Variants in MAP3K5 observed in about 807,000 individuals in gnomAD.
MAP3K5 encodes mitogen-activated protein kinase kinase kinase 5.
In MAP3K5, 56 loss-of-function variants were observed where a neutral mutation model predicts 158.7. The observed-to-expected ratio is 0.35, with a 90% CI of 0.28 to 0.44. The LOEUF is 0.44. MAP3K5 is among the 20% of genes least tolerant of loss of function. The pLI is 1.00. For missense variants in MAP3K5, 1,294 were observed against 1,674.8 expected, an observed-to-expected ratio of 0.77 and a Z score of 3.97; for synonymous variants, 579 against 601.7, an observed-to-expected ratio of 0.96 and a Z score of 0.55.
Position 136,611,135 on chromosome 6 carries a change from G to GAAAGA in MAP3K5, c.2521+142_2521+146dup, listed in dbSNP as rs1280383797. 2.1e-3 allele frequency: 307 copies of GAAAGA among 148,652 alleles called. 1 individual carries two copies. The highest frequency in any genetic ancestry group is 0.01 in the African/African-American group (291 of 28,398). 9.2% of individuals were successfully genotyped at this position (148,652 alleles called of 1,614,324 possible). On this transcript the variant is annotated intron_variant, in intron 18 of 29. Transcript: ENST00000359015. ...AAAAAAAAAAAAAAAAAAAAAAAAA[G>GAAAGA]AAAGAAAAGAAAAGAAAAGAAAGAA...
At chr6:136,737,879 G>C (rs1168319777) in intron 1 of MAP3K5, among the ~76,000 whole-genome samples, 5 of 152,208 alleles carry the variant, frequency 3.3e-5, no homozygotes, top group Non-Finnish European at 5.9e-5. Context: ...CAGGAGTAAT[G>C]GAGAAGGCCA....
chr6:136,734,050 A>G (rs1006391313), intron 1 of MAP3K5, among the ~76,000 whole-genome samples: 1 of 152,126 alleles, frequency 6.6e-6, no homozygotes, highest in Non-Finnish European at 1.5e-5. Context: ...ACCTATAAAG[A>G]GTATATAAGA....
chr6:136,570,124 C>T (rs921630110), intron 25 of MAP3K5, among the ~76,000 whole-genome samples: 1 of 152,142 alleles, frequency 6.6e-6, no homozygotes, highest in Non-Finnish European at 1.5e-5. Context: ...GGTTAAGAGC[C>T]CGTGTGTACA....
intron 1 of MAP3K5, among the ~76,000 whole-genome samples, chr6:136,767,847 C>G (rs1042582284): frequency 2.0e-5 from 3 of 152,128 alleles, no homozygotes; most frequent in African/African-American, 7.2e-5. Context: ...AAACATAGAT[C>G]AATGGAAATC....
Position 136,574,932 on chromosome 6 carries a change from G to A in MAP3K5, c.3517+5369C>T, listed in dbSNP as rs1021551251. Among the ~76,000 whole-genome samples the A allele has an allele frequency of 2.4e-4, 37 of 151,736 alleles. 1 individual carries two copies. The highest frequency in any genetic ancestry group is 1.5e-4 in the Non-Finnish European group (10 of 67,872). ...TCTTGATCTCCTGACCTCGTGATCCGCCCGCCTCGGCCTCCCAAAGTGCTG... is the reference window on the plus strand; with the variant it reads ...TCTTGATCTCCTGACCTCGTGATCCACCCGCCTCGGCCTCCCAAAGTGCTG... On this transcript the variant is annotated intron_variant, in intron 25 of 29. Transcript: ENST00000359015.
intron 6 of MAP3K5, among the ~76,000 whole-genome samples, chr6:136,694,838 T>C (rs1212036523): frequency 1.3e-5 from 2 of 152,222 alleles, no homozygotes; most frequent in Non-Finnish European, 2.9e-5. Context: ...TAGCATGCTT[T>C]AAAATAGTAT....
intron 1 of MAP3K5, among the ~76,000 whole-genome samples, chr6:136,752,084 C>T (rs1336371376): frequency 1.3e-5 from 2 of 152,156 alleles, no homozygotes; most frequent in African/African-American, 2.4e-5. Flanking sequence ...CCCTTCATTC[C>T]TACTTCCATC....
At chr6:136,745,040 C>T (rs1174352162) in intron 1 of MAP3K5, among the ~76,000 whole-genome samples, 1 of 151,938 alleles carries the variant, frequency 6.6e-6, no homozygotes, top group African/African-American at 2.4e-5. Flanking sequence ...ATAAATTGCT[C>T]TTAAAATGAA....
intron 14 of MAP3K5, among the ~76,000 whole-genome samples, chr6:136,634,745 A>C: frequency 6.6e-6 from 1 of 150,826 alleles, no homozygotes; most frequent in Non-Finnish European, 1.5e-5. Flanking sequence ...ATGCTCAGCT[A>C]AAGTAGAGAC....
chr6:136,558,600 A>C (rs1306737128), intron 29 of MAP3K5, among the ~76,000 whole-genome samples, 200 bp downstream of exon 29: 1 of 152,192 alleles, frequency 6.6e-6, no homozygotes, highest in Non-Finnish European at 1.5e-5. Context: ...ATTTTCACTT[A>C]CTAATATAGA....
At chr6:136,661,375 G>A (rs1054816121) in intron 8 of MAP3K5, among the ~76,000 whole-genome samples, 8 of 151,994 alleles carry the variant, frequency 5.3e-5, no homozygotes, top group Non-Finnish European at 1.2e-4. Flanking sequence ...CAACATCCAC[G>A]GTCTTCTATC....
At chr6:136,651,325 A>C (rs1288629913) in intron 10 of MAP3K5, among the ~76,000 whole-genome samples, 1 of 152,222 alleles carries the variant, frequency 6.6e-6, no homozygotes, top group African/African-American at 2.4e-5. Context: ...TATTGCTAAT[A>C]AGGTTAGAAA....
At chr6:136,642,080 TAA>T (rs1176306707) in intron 12 of MAP3K5, among the ~76,000 whole-genome samples, 5 of 144,756 alleles carry the variant, frequency 3.5e-5, no homozygotes, top group Admixed American at 7.0e-5. Flanking sequence ...TAAAATAAAA[TAA>T]AATAAAATAA....
chr6:136,773,555 T>C (rs1387279022), intron 1 of MAP3K5, among the ~76,000 whole-genome samples: 3 of 152,188 alleles, frequency 2.0e-5, no homozygotes, highest in South Asian at 2.1e-4. Context: ...CTCTCTGAAC[T>C]TTCTCTCATC....
At chr6:136,693,502 C>T (rs188831854) in intron 7 of MAP3K5, among the ~76,000 whole-genome samples, 35 of 151,884 alleles carry the variant, frequency 2.3e-4, no homozygotes, top group African/African-American at 6.0e-4. Context: ...TCTACAAACT[C>T]GGTATATTTT....
intron 7 of MAP3K5, among the ~76,000 whole-genome samples, chr6:136,678,030 C>A (rs916570176): frequency 6.6e-6 from 1 of 152,202 alleles, no homozygotes; most frequent in African/African-American, 2.4e-5. Flanking sequence ...AGTGGTCAAG[C>A]AGGAACTCTA....
chr6:136,695,915 G>T, intron 6 of MAP3K5, 36 bp downstream of exon 6: 1 of 1,254,800 alleles, frequency 8.0e-7, no homozygotes, highest in Non-Finnish European at 1.2e-6. Context: ...ACAATAATAT[G>T]TTAACGCATT....
intron 10 of MAP3K5, among the ~76,000 whole-genome samples, chr6:136,652,026 C>T (rs1360201037): frequency 1.3e-5 from 2 of 152,162 alleles, no homozygotes; most frequent in Admixed American, 6.5e-5. Flanking sequence ...TTCTACTCTA[C>T]TGCTTAACAC....
chr6:136,600,532 T>C (rs1261981239), intron 21 of MAP3K5, among the ~76,000 whole-genome samples: 1 of 152,196 alleles, frequency 6.6e-6, no homozygotes, highest in Non-Finnish European at 1.5e-5. Context: ...AATGCTTTAA[T>C]GGATCTTCTT....
Sources: allele counts gnomAD v4.1 joint callset (sites outside exome capture counted in the v4.1 genomes callset), GRCh38; gene constraint gnomAD v4.1.1; transcripts MANE v1.5; gene names NCBI Gene and HGNC (gene_info 2026-07-23, HGNC 2026-07-21).